Variants in CPNE5 observed in about 807,000 individuals in gnomAD.
CPNE5 encodes copine 5, also known as copine-5.
A neutral mutation model predicts 81.1 loss-of-function variants in CPNE5; 42 were observed. The ratio of observed to expected loss-of-function variants is 0.52; its 90% CI spans 0.40 to 0.67. The LOEUF is 0.67. Ranked by LOEUF, CPNE5 falls within the 30% of genes least tolerant of loss-of-function variation. The probability of loss-of-function intolerance (pLI) is 0.00; values close to 1 mark genes in which losing one functional copy is unlikely to be tolerated. For missense variants in CPNE5, 612 were observed against 815.5 expected (o/e 0.75, Z 3.04); for synonymous variants, 313 against 321.5 (o/e 0.97, Z 0.28).
intron 3 of CPNE5, among the ~76,000 whole-genome samples, chr6:36,802,888 T>TA (rs967760034): frequency 1.1e-4 from 16 of 150,924 alleles, no homozygotes; most frequent in Admixed American, 4.0e-4. Context: ...CATCTCTATT[T>TA]AAAAAAAAAT....
At chr6:36,776,238 A>G (rs138972047) in intron 9 of CPNE5, among the ~76,000 whole-genome samples, 1,993 of 152,334 alleles carry the variant, frequency 0.013, 40 homozygotes, top group African/African-American at 0.045. Flanking sequence ...ATCTCTGGTT[A>G]GAAAGGTCAC....
intron 12 of CPNE5, among the ~76,000 whole-genome samples, chr6:36,762,031 C>T (rs754303284): frequency 2.0e-5 from 3 of 152,062 alleles, no homozygotes; most frequent in East Asian, 1.9e-4. Flanking sequence ...GCAGGAGGAT[C>T]GCTTGAGCCC....
chr6:36,757,426 A>G (rs762937161), intron 12 of CPNE5: 9 of 945,630 alleles, frequency 9.5e-6, no homozygotes, highest in Non-Finnish European at 1.1e-5. Flanking sequence ...GAAGGAAACT[A>G]AAGCACAGCG....
At chr6:36,793,014 C>T (rs1014325432) in intron 7 of CPNE5, among the ~76,000 whole-genome samples, 1 of 152,130 alleles carries the variant, frequency 6.6e-6, no homozygotes, top group African/African-American at 2.4e-5. Flanking sequence ...ACTGTATATA[C>T]CACACAGTGC....
intron 3 of CPNE5, among the ~76,000 whole-genome samples, chr6:36,808,767 T>C (rs924739383): frequency 1.3e-5 from 2 of 152,206 alleles, no homozygotes; most frequent in Non-Finnish European, 2.9e-5. Flanking sequence ...CTAAGTGTTA[T>C]CCATAAGGTC....
At chr6:36,787,560 C>A (rs1162531842) in intron 8 of CPNE5, among the ~76,000 whole-genome samples, 3 of 152,192 alleles carry the variant, frequency 2.0e-5, no homozygotes, top group Admixed American at 6.5e-5. Flanking sequence ...AGAAGAGGCG[C>A]TGGATCTGCC....
rs753933100 is a variant in CPNE5 at position 36,798,152 on chromosome 6, C to T, written c.404+13G>A. The T allele has an allele frequency of 3.1e-6, 5 of 1,611,774 alleles. No individual in the cohort carries two copies. The highest frequency in any genetic ancestry group is 2.5e-6 in the Non-Finnish European group (3 of 1,178,630). ...AGTTGGCCTACCACTGGGAAAGCAA[C>T]CCAGACACTCACGTGAGGGGCTTTT... On this transcript the variant is annotated intron_variant, in intron 6 of 20. Coordinates refer to ENST00000244751, the MANE Select transcript of CPNE5 (RefSeq NM_020939.2).
At position 36,800,914 on chromosome 6, in the gene CPNE5, C is replaced by A. The variant is rs1770046631; in HGVS notation, c.184-844G>T. Among the ~76,000 whole-genome samples the A allele has an allele frequency of 1.3e-5, 2 of 152,160 alleles. 1 individual carries two copies. Among genetic ancestry groups the A allele is most frequent in the South Asian group, 4.2e-4 (2 of 4,816 alleles). On this transcript the variant is annotated intron_variant, in intron 3 of 20. Coordinates refer to ENST00000244751, the MANE Select transcript of CPNE5 (RefSeq NM_020939.2). ...CCCATCCGTAAGAATTGGAATCCTG[C>A]CAACAACCACTGGGTGAGCTTGCAA...
chr6:36,776,071 A>T (rs1767472737), intron 9 of CPNE5, among the ~76,000 whole-genome samples: 1 of 152,130 alleles, frequency 6.6e-6, no homozygotes, highest in African/African-American at 2.4e-5. Context: ...CTTATCCCAG[A>T]TGGGCCCGAA....
In CPNE5 at chr6:36,741,345, A is replaced by C. The variant is rs1485694052; in HGVS notation, c.*923T>G. 6.8e-6 allele frequency: 1 copy of C among 147,320 alleles called. No individual in the cohort carries two copies. The highest frequency in any genetic ancestry group is 6.8e-5 in the Admixed American group (1 of 14,602). 9.1% of individuals were successfully genotyped at this position (147,320 alleles called of 1,614,324 possible). A position where few individuals can be genotyped will look rare whatever the true frequency, so the allele number is the denominator to read the frequency against. On this transcript the variant is annotated 3_prime_UTR_variant, in exon 21 of 21. Transcript: ENST00000244751. ...AGAAGGGCCTTGCTTGGGTTCCCAC[A>C]TTAGGCAGTGGGGGGAGGCAGGGCT...
chr6:36,743,011 G>A, intron 20 of CPNE5: 3 of 985,408 alleles, frequency 3.0e-6, no homozygotes, highest in Non-Finnish European at 3.6e-6. Context: ...CCAGGCCTTA[G>A]CATGGGCCGG....
intron 9 of CPNE5, among the ~76,000 whole-genome samples, chr6:36,775,610 A>T (rs1044989130): frequency 6.6e-6 from 1 of 151,682 alleles, no homozygotes; most frequent in Non-Finnish European, 1.5e-5. Flanking sequence ...CTACCTTCAA[A>T]CGCCATCTCC....
chr6:36,762,072 C>T (rs1766078735), intron 12 of CPNE5, among the ~76,000 whole-genome samples: 3 of 151,854 alleles, frequency 2.0e-5, no homozygotes, highest in South Asian at 2.1e-4. Context: ...GGAAACATAG[C>T]GAGATCCTGT....
At chr6:36,786,650 C>A (rs879787344) in intron 8 of CPNE5, among the ~76,000 whole-genome samples, 10 of 152,138 alleles carry the variant, frequency 6.6e-5, no homozygotes, top group Non-Finnish European at 1.2e-4. Flanking sequence ...CTAAAAAGAA[C>A]AGCTTTGATA....
chr6:36,767,819 A>G (rs7769997), intron 10 of CPNE5, among the ~76,000 whole-genome samples: 2,548 of 152,342 alleles, frequency 0.017, 64 homozygotes, highest in African/African-American at 0.054. Context: ...GGATTCTAAC[A>G]TGCAACCAGA....
intron 3 of CPNE5, among the ~76,000 whole-genome samples, chr6:36,801,051 C>T (rs1003831003): frequency 2.0e-5 from 3 of 152,362 alleles, no homozygotes; most frequent in Admixed American, 6.5e-5. Context: ...CACTCAGATT[C>T]CTGCCTGCTG....
chr6:36,790,014 G>C (rs745553044), intron 8 of CPNE5, among the ~76,000 whole-genome samples: 1 of 152,164 alleles, frequency 6.6e-6, no homozygotes, highest in Admixed American at 6.5e-5. Flanking sequence ...TGGAAACAGA[G>C]TTTGTAACAC....
intron 1 of CPNE5, among the ~76,000 whole-genome samples, chr6:36,838,522 AC>A (rs1773732837): frequency 6.6e-6 from 1 of 152,132 alleles, no homozygotes; most frequent in South Asian, 2.1e-4. Flanking sequence ...TTACCCCCAA[AC>A]CCTGTGTGAC....
At chr6:36,757,285 C>T in intron 12 of CPNE5, 1 of 983,052 alleles carries the variant, frequency 1.0e-6, no homozygotes, top group Non-Finnish European at 1.2e-6. Flanking sequence ...ATTTTCATAC[C>T]TCCTGTGCTG....
Sources: allele counts gnomAD v4.1 joint callset (sites outside exome capture counted in the v4.1 genomes callset), GRCh38; gene constraint gnomAD v4.1.1; transcripts MANE v1.5; gene names NCBI Gene and HGNC (gene_info 2026-07-23, HGNC 2026-07-21).